Variants in DNAJC3 observed in about 807,000 individuals in gnomAD.
The protein encoded by DNAJC3 is DnaJ heat shock protein family (Hsp40) member C3.
In DNAJC3, 38 loss-of-function variants were observed where a neutral mutation model predicts 68.6. The observed-to-expected ratio is 0.55, with a 90% CI of 0.43 to 0.73. The LOEUF is 0.73. Ranked by LOEUF, DNAJC3 falls within the 30% of genes least tolerant of loss-of-function variation. DNAJC3 has a pLI of 0.00. For missense variants in DNAJC3, 526 were observed against 591.9 expected, an observed-to-expected ratio of 0.89 and a Z score of 1.16; for synonymous variants, 203 against 204.0, an observed-to-expected ratio of 1.00 and a Z score of 0.04.
At chr13:95,692,518 T>A (rs182742993) in intron 1 of DNAJC3, 1 of 152,254 alleles carries the variant, frequency 6.6e-6, no homozygotes, top group Non-Finnish European at 1.5e-5. Flanking sequence ...CTTTTATTAT[T>A]TTATAAATAA....
intron 9 of DNAJC3, among the ~76,000 whole-genome samples, chr13:95,777,547 A>G (rs1053711643): frequency 3.3e-5 from 5 of 152,230 alleles, no homozygotes; most frequent in Non-Finnish European, 7.3e-5. Flanking sequence ...CTTTTAAAAA[A>G]GTATTTTATA....
chr13:95,782,449 A>T (rs930027969), intron 9 of DNAJC3, among the ~76,000 whole-genome samples: 4 of 152,122 alleles, frequency 2.6e-5, no homozygotes, highest in African/African-American at 9.7e-5. Context: ...ATTTCTCTAC[A>T]TCCTCTCCAG....
intron 9 of DNAJC3, among the ~76,000 whole-genome samples, chr13:95,775,237 G>T (rs9561951): frequency 0.37 from 55,765 of 152,060 alleles, 13,519 homozygotes; most frequent in African/African-American, 0.68. Context: ...CTGTAACGAC[G>T]TTTTAAATAA....
At chr13:95,766,698 A>G (rs146642273) in intron 9 of DNAJC3, among the ~76,000 whole-genome samples, 1 of 143,106 alleles carries the variant, frequency 7.0e-6, no homozygotes, top group Non-Finnish European at 1.5e-5. Flanking sequence ...CAGTTATTCT[A>G]TTTTTTTTTT....
At chr13:95,682,294 T>G (rs1178545575) in intron 1 of DNAJC3, among the ~76,000 whole-genome samples, 1 of 152,112 alleles carries the variant, frequency 6.6e-6, no homozygotes, top group Non-Finnish European at 1.5e-5. Context: ...GCTTTCCTCA[T>G]TCCTCATATT....
At chr13:95,766,698 ATTTT>A (rs777691887) in intron 9 of DNAJC3, among the ~76,000 whole-genome samples, 1 of 143,106 alleles carries the variant, frequency 7.0e-6, no homozygotes. Context: ...CAGTTATTCT[ATTTT>A]TTTTTTTTTT....
chr13:95,752,874 T>A (rs1003171670), intron 4 of DNAJC3, among the ~76,000 whole-genome samples: 2 of 152,304 alleles, frequency 1.3e-5, no homozygotes, highest in Middle Eastern at 3.4e-3. Flanking sequence ...GGCAGAGAAA[T>A]TTGGCCTGTC....
chr13:95,761,164 A>G (rs980677896), intron 7 of DNAJC3, among the ~76,000 whole-genome samples: 3 of 152,210 alleles, frequency 2.0e-5, no homozygotes, highest in Non-Finnish European at 4.4e-5. Flanking sequence ...AAAAGACAAT[A>G]TGATACCAAA....
intron 9 of DNAJC3, among the ~76,000 whole-genome samples, chr13:95,770,567 A>G (rs1263971578): frequency 6.6e-6 from 1 of 152,236 alleles, no homozygotes; most frequent in Non-Finnish European, 1.5e-5. Context: ...ATGTTAGCGT[A>G]TCAGATTCAG....
At chr13:95,726,127 A>G (rs892478986) in intron 4 of DNAJC3, among the ~76,000 whole-genome samples, 55 of 152,074 alleles carry the variant, frequency 3.6e-4, no homozygotes, top group African/African-American at 1.1e-3. Context: ...TAGTGCCGCA[A>G]TAAACATACG....
chr13:95,709,407 A>C, intron 2 of DNAJC3, 70 bp downstream of exon 2: 1 of 1,058,462 alleles, frequency 9.4e-7, no homozygotes, highest in Non-Finnish European at 1.3e-6. Flanking sequence ...TTTTTTTAAA[A>C]ATAACATTTA....
chr13:95,760,220 A>G lies in DNAJC3; in HGVS notation c.727A>G (p.Ser243Gly). ...YQLGDHELSL[S>G]EVRECLKLDQ... ...ACTAGGAGACCACGAACTGTCCCTCAGGTCAGTTCTAGTGACACACATGTC... is the reference window on the plus strand; with the variant it reads ...ACTAGGAGACCACGAACTGTCCCTCGGGTCAGTTCTAGTGACACACATGTC... The change falls in exon 6 of 12, where the codon AGT becomes GGT. Residue 243 changes from serine (S) to glycine (G), a missense_variant and splice_region_variant. Physicochemically the swap from Ser to Gly is moderately conservative, Grantham distance 56. Transcript: ENST00000602402. 1.9e-6 allele frequency: 3 copies of G among 1,574,932 alleles called. No individual in the cohort carries two copies. The highest frequency in any genetic ancestry group is 2.6e-6 in the Non-Finnish European group (3 of 1,160,494).
In DNAJC3 at chr13:95,793,811, T is replaced by C. The variant is rs947652883; in HGVS notation, c.*2781T>C. 3 of 152,222 alleles carry C rather than the reference T, an allele frequency of 2.0e-5. No individual in the cohort carries two copies. The highest frequency in any genetic ancestry group is 4.4e-5 in the Non-Finnish European group (3 of 68,110). The allele number at this position is 152,222 out of a possible 1,614,324, so 9.4% of individuals were successfully genotyped here. ...CAGGAAAAGTGAAATCAGAGAGGCG[T>C]ACCCTAGCCACAGCTGTTGTATTCT... On this transcript the variant is annotated 3_prime_UTR_variant, in exon 12 of 12. Transcript: ENST00000602402.
chr13:95,697,117 T>C (rs945391818), intron 1 of DNAJC3, among the ~76,000 whole-genome samples: 2 of 152,212 alleles, frequency 1.3e-5, no homozygotes, highest in Admixed American at 1.3e-4. Context: ...TTATAGGATC[T>C]GTGAGCTTTG....
intron 1 of DNAJC3, among the ~76,000 whole-genome samples, chr13:95,707,555 C>T (rs1880794817): frequency 6.6e-6 from 1 of 152,146 alleles, no homozygotes; most frequent in Non-Finnish European, 1.5e-5. Flanking sequence ...AGCCCAAGGC[C>T]ATGACCAAAC....
intron 9 of DNAJC3, among the ~76,000 whole-genome samples, chr13:95,776,368 G>A (rs1883292682): frequency 6.6e-6 from 1 of 152,130 alleles, no homozygotes; most frequent in Non-Finnish European, 1.5e-5. Context: ...TGGAGACACT[G>A]GAATCACCTG....
chr13:95,760,561 C>T, intron 6 of DNAJC3, 118 bp from the exon 7 acceptor site: 1 of 1,283,966 alleles, frequency 7.8e-7, no homozygotes, highest in Admixed American at 2.5e-5. Context: ...TTATAAGTCT[C>T]AGTATGGTTT....
rs1234895241 is a variant in DNAJC3, at chr13:95,725,184, T to C, written c.325T>C (p.Leu109=). The C allele has an allele frequency of 6.3e-7, 1 of 1,577,408 alleles. No individual in the cohort carries two copies. The highest frequency in any genetic ancestry group is 8.6e-7 in the Non-Finnish European group (1 of 1,166,024). Residue 109 remains leucine (L), a synonymous_variant, in exon 4 of 12, where the codon TTA becomes CTA. Coordinates refer to ENST00000602402, the MANE Select transcript of DNAJC3 (RefSeq NM_006260.5). ...QLKMDFTAAR[L]QRGHLLLKQG... is the part of the protein sequence containing the mutation. ...CTGCCCCCTTTTTTTCTAGGCAAGA[T>C]TACAGAGAGGTCACTTATTACTCAA...
chr13:95,696,093 A>G (rs565148003), intron 1 of DNAJC3, among the ~76,000 whole-genome samples: 1 of 152,280 alleles, frequency 6.6e-6, no homozygotes, highest in South Asian at 2.1e-4. Flanking sequence ...CCCTTAATCA[A>G]CTATCACTCA....
Sources: allele counts gnomAD v4.1 joint callset (sites outside exome capture counted in the v4.1 genomes callset), GRCh38; gene constraint gnomAD v4.1.1; transcripts MANE v1.5; gene names NCBI Gene and HGNC (gene_info 2026-07-23, HGNC 2026-07-21).